Variants in PRKG1 observed in about 807,000 individuals in gnomAD.
The protein encoded by PRKG1 is cGMP-dependent protein kinase 1.
In PRKG1, 35 loss-of-function variants were observed where a neutral mutation model predicts 88.1. That is an observed-to-expected ratio of 0.40 (90% CI 0.30 to 0.53). The LOEUF (loss-of-function observed/expected upper bound fraction) is 0.53, where lower values mean the gene tolerates loss of function less well. Ranked by LOEUF, PRKG1 falls within the 20% of genes least tolerant of loss-of-function variation. PRKG1 has a pLI of 0.59. For synonymous variants in PRKG1, 303 were observed against 292.5 expected (o/e 1.04, Z -0.37); for missense variants, 540 against 839.8 (o/e 0.64, Z 4.41).
At chr10:52,107,798 T>G (rs1432671527) in intron 7 of PRKG1, among the ~76,000 whole-genome samples, 1 of 152,240 alleles carries the variant, frequency 6.6e-6, no homozygotes, top group Non-Finnish European at 1.5e-5. Context: ...CCTTTTAGTA[T>G]TATTTTTCAG....
At chr10:51,328,293 TCAAGTGA>T (rs1841644148) in intron 2 of PRKG1, among the ~76,000 whole-genome samples, 1 of 152,200 alleles carries the variant, frequency 6.6e-6, no homozygotes, top group South Asian at 2.1e-4. Context: ...CCATGTTGTC[TCAAGTGA>T]CAAGATTTCC....
intron 7 of PRKG1, among the ~76,000 whole-genome samples, chr10:52,104,275 A>G (rs1847364285): frequency 6.6e-6 from 1 of 152,032 alleles, no homozygotes; most frequent in Non-Finnish European, 1.5e-5. Context: ...CATTTAACTT[A>G]CTGCATTCTT....
In PRKG1 at chr10:51,514,507, G is replaced by C. The variant is rs189065602; in HGVS notation, c.592+46671G>C. 7.0e-4 allele frequency among the ~76,000 whole-genome samples: 107 copies of C among 152,310 alleles called. 1 individual carries two copies. The highest frequency in any genetic ancestry group is 2.5e-3 in the African/African-American group (106 of 41,576). On this transcript the variant is annotated intron_variant, in intron 3 of 17. Transcript: ENST00000373980. ...TTAGCCTCCCTGTAGCTCAAAGAAA[G>C]GCAGGGAGTTTATTCCAAACTTAAA... is the stretch of plus-strand genomic sequence containing the variant.
intron 7 of PRKG1, among the ~76,000 whole-genome samples, chr10:52,071,030 A>G (rs1846483239): frequency 6.6e-6 from 1 of 152,220 alleles, no homozygotes; most frequent in South Asian, 2.1e-4. Context: ...TAATGTATAT[A>G]GTATGTATGC....
chr10:51,600,295 C>A (rs2132224502), intron 3 of PRKG1, among the ~76,000 whole-genome samples: 1 of 152,258 alleles, frequency 6.6e-6, no homozygotes, highest in Admixed American at 6.5e-5. Flanking sequence ...ACTCTACTTT[C>A]TAACACTACT....
At position 51,741,425 on chromosome 10, in the gene PRKG1, CCT is replaced by C. The variant is rs748246231; in HGVS notation, c.593-63159_593-63158del. Among the ~76,000 whole-genome samples, 19 of 152,098 alleles carry C rather than the reference CCT, an allele frequency of 1.2e-4. No individual in the cohort carries two copies. In the East Asian group the frequency reaches 1.7e-3, roughly 14 times the overall value. On this transcript the variant is annotated intron_variant, in intron 3 of 17. Coordinates refer to ENST00000373980, the MANE Select transcript of PRKG1 (RefSeq NM_006258.4). ...ATTCCTTCTCTTTACTAAAATCTCC[CCT>C]GTTTTCTTCTTCTAGCCAGTTAAAT...
chr10:51,673,268 G>A (rs1564600826), intron 3 of PRKG1, among the ~76,000 whole-genome samples: 1 of 152,146 alleles, frequency 6.6e-6, no homozygotes, highest in Non-Finnish European at 1.5e-5. Context: ...GAAAAATTAA[G>A]TGAAAAGAGA....
upstream of PRKG1, among the ~76,000 whole-genome samples, chr10:51,070,830 T>G (rs915049121): frequency 6.6e-6 from 1 of 152,202 alleles, no homozygotes; most frequent in Non-Finnish European, 1.5e-5. Flanking sequence ...AGAACTTTGC[T>G]TCTATTAAAG....
intron 3 of PRKG1, among the ~76,000 whole-genome samples, chr10:51,469,808 T>C (rs1321596294): frequency 6.6e-6 from 1 of 152,000 alleles, no homozygotes; most frequent in East Asian, 1.9e-4. Flanking sequence ...ACTTAAGATA[T>C]AAAAGTTGTG....
intron 1 of PRKG1, among the ~76,000 whole-genome samples, chr10:51,149,313 T>C (rs1805026382): frequency 6.6e-6 from 1 of 152,126 alleles, no homozygotes; most frequent in African/African-American, 2.4e-5. Context: ...AGAATATCCT[T>C]TTATTAGCTT....
chr10:51,022,532 G>A (rs1003282219), intron 1 of PRKG1, among the ~76,000 whole-genome samples: 4 of 152,066 alleles, frequency 2.6e-5, no homozygotes, highest in African/African-American at 9.7e-5. Context: ...TAGAGCAGTG[G>A]GCTTTTCCCA....
intron 3 of PRKG1, among the ~76,000 whole-genome samples, chr10:51,475,445 A>C (rs1166363472): frequency 6.6e-6 from 1 of 151,946 alleles, no homozygotes; most frequent in African/African-American, 2.4e-5. Context: ...ACTATACCCT[A>C]TAGCTGCCCA....
At chr10:51,118,191 A>G (rs7897669) in intron 1 of PRKG1, among the ~76,000 whole-genome samples, 121,203 of 152,070 alleles carry the variant, frequency 0.8, 48,879 homozygotes, top group South Asian at 0.88. Context: ...GTTTTATGGC[A>G]TTTGGCCAAA....
At chr10:51,314,121 T>C (rs1841261125) in intron 2 of PRKG1, among the ~76,000 whole-genome samples, 1 of 152,180 alleles carries the variant, frequency 6.6e-6, no homozygotes, top group Admixed American at 6.5e-5. Flanking sequence ...TACACAGATA[T>C]ATTTGTGTAC....
At chr10:51,115,734 C>T (rs4403758) in intron 1 of PRKG1, among the ~76,000 whole-genome samples, 5 of 150,586 alleles carry the variant, frequency 3.3e-5, no homozygotes, top group Non-Finnish European at 7.4e-5. Context: ...CTATTCGGGA[C>T]GCTGAGGGGG....
In PRKG1 at chr10:51,728,449, C is replaced by CTTTTTTT. The variant is rs201683049; in HGVS notation, c.593-76133_593-76132insTTTTTTT. Among the ~76,000 whole-genome samples the CTTTTTTT allele has an allele frequency of 4.3e-4, 25 of 57,898 alleles. 1 individual carries two copies. Among genetic ancestry groups the CTTTTTTT allele is most frequent in the South Asian group, 9.9e-4 (2 of 2,014 alleles). 38.0% of individuals were successfully genotyped at this position (57,898 alleles called of 152,430 possible). A position where few individuals can be genotyped will look rare whatever the true frequency, so the allele number is the denominator to read the frequency against. ...AAACAATAGCAAAATTCCATTTTTT[C>CTTTTTTT]TTTGTTTTTTTTTTTTTTTTTTTTT... is the stretch of plus-strand genomic sequence containing the variant. On this transcript the variant is annotated intron_variant, in intron 3 of 17. Transcript: ENST00000373980.
chr10:51,280,645 A>G (rs555180191), intron 2 of PRKG1, among the ~76,000 whole-genome samples: 1 of 152,240 alleles, frequency 6.6e-6, no homozygotes, highest in Admixed American at 6.5e-5. Context: ...CCTTTCTTCC[A>G]GTTGATCCAA....
chr10:52,288,901 G>A (rs370317188), intron 15 of PRKG1, 30 bp from the exon 16 acceptor site: 11 of 1,594,384 alleles, frequency 6.9e-6, no homozygotes, highest in Non-Finnish European at 8.6e-6. Flanking sequence ...GAAAAAATTA[G>A]ATTTAATAAA....
intron 1 of PRKG1, among the ~76,000 whole-genome samples, chr10:51,001,715 A>T (rs764240176): frequency 3.3e-5 from 5 of 152,150 alleles, no homozygotes; most frequent in Non-Finnish European, 5.9e-5. Flanking sequence ...TACCCTCCTA[A>T]ATGTAGGAAA....
Sources: allele counts gnomAD v4.1 joint callset (sites outside exome capture counted in the v4.1 genomes callset), GRCh38; gene constraint gnomAD v4.1.1; transcripts MANE v1.5; gene names NCBI Gene and HGNC (gene_info 2026-07-23, HGNC 2026-07-21).